ANKFN1: variants seen among roughly 807,000 people sequenced by gnomAD.
ANKFN1 encodes the protein ankyrin repeat and fibronectin type III domain containing 1, also known as ankyrin repeat and fibronectin type-III domain-containing protein 1.
In ANKFN1, 74 loss-of-function variants were observed where a neutral mutation model predicts 108.7. The observed-to-expected ratio is 0.68, with a 90% CI of 0.56 to 0.83. The LOEUF (loss-of-function observed/expected upper bound fraction) is 0.83, where lower values mean the gene tolerates loss of function less well. Ranked by LOEUF, ANKFN1 falls within the 40% of genes least tolerant of loss-of-function variation. The probability of loss-of-function intolerance (pLI) is 0.00; values close to 1 mark genes in which losing one functional copy is unlikely to be tolerated. For missense variants in ANKFN1, 1,505 were observed against 1,382.3 expected (o/e 1.09, Z -1.41); for synonymous variants, 547 against 516.2 (o/e 1.06, Z -0.81).
chr17:56,229,694 G>T (rs1268375913), intron 3 of ANKFN1, among the ~76,000 whole-genome samples: 2 of 148,026 alleles, frequency 1.4e-5, no homozygotes, highest in Non-Finnish European at 3.0e-5. Flanking sequence ...AAAAAGGGGG[G>T]TTGGGGGGTG....
At chr17:56,420,698 T>TC (rs2048376165) in intron 8 of ANKFN1, among the ~76,000 whole-genome samples, 2 of 150,532 alleles carry the variant, frequency 1.3e-5, no homozygotes, top group Non-Finnish European at 1.5e-5. Context: ...TTTTTTTTTT[T>TC]TTTTTATTGT....
intron 3 of ANKFN1, among the ~76,000 whole-genome samples, chr17:56,319,616 A>G (rs1211258566): frequency 2.0e-5 from 3 of 152,146 alleles, no homozygotes; most frequent in Admixed American, 2.0e-4. Flanking sequence ...CCTATTACAC[A>G]CTTTATTCAT....
Position 56,512,626 on chromosome 17 carries a change from T to C in ANKFN1, c.*1357T>C, listed in dbSNP as rs116179733. On this transcript the variant is annotated 3_prime_UTR_variant, in exon 21 of 21. Transcript: ENST00000682825. Reference sequence around the variant, plus strand: ...AGACCCATTCACTTCACTGACATTCTAAATGATCCTTTTCTGCTTCACAGG... The same window carrying C: ...AGACCCATTCACTTCACTGACATTCCAAATGATCCTTTTCTGCTTCACAGG... Among the ~76,000 whole-genome samples, 1,169 of 152,346 alleles carry C rather than the reference T, an allele frequency of 7.7e-3. 16 individuals carry two copies. Among genetic ancestry groups the C allele is most frequent in the African/African-American group, 0.027 (1,127 of 41,576 alleles).
intron 8 of ANKFN1, among the ~76,000 whole-genome samples, chr17:56,426,966 G>C (rs571317662): frequency 6.6e-6 from 1 of 152,288 alleles, no homozygotes; most frequent in South Asian, 2.1e-4. Flanking sequence ...AATTTTTCAG[G>C]ATCAGTAAGG....
chr17:56,298,240 A>T (rs540837975), intron 3 of ANKFN1, among the ~76,000 whole-genome samples: 13 of 152,340 alleles, frequency 8.5e-5, no homozygotes, highest in African/African-American at 2.6e-4. Context: ...GCACCAAAAG[A>T]TATAGTAGTT....
At chr17:56,259,946 A>T (rs149378804) in intron 3 of ANKFN1, among the ~76,000 whole-genome samples, 1,641 of 148,796 alleles carry the variant, frequency 0.011, 21 homozygotes, top group African/African-American at 0.039. Flanking sequence ...ACACACACAC[A>T]CTCTTTTCAA....
chr17:56,376,072 T>A (rs1567955151), intron 8 of ANKFN1, among the ~76,000 whole-genome samples: 1 of 152,186 alleles, frequency 6.6e-6, no homozygotes, highest in Non-Finnish European at 1.5e-5. Flanking sequence ...CCACACATAT[T>A]CCAAGGTTCC....
At chr17:56,323,131 T>C (rs2045416763) in intron 3 of ANKFN1, 1 of 152,034 alleles carries the variant, frequency 6.6e-6, no homozygotes, top group African/African-American at 2.4e-5. Flanking sequence ...GGGGGTGGAA[T>C]TGGGTGGAGG....
intron 4 of ANKFN1, among the ~76,000 whole-genome samples, chr17:56,347,347 G>A (rs2144651895): frequency 6.6e-6 from 1 of 152,012 alleles, no homozygotes; most frequent in Admixed American, 6.6e-5. Flanking sequence ...AAACAGAATA[G>A]GTACCTTTCA....
rs940061670 is a variant in ANKFN1 at position 56,317,853 on chromosome 17, A to G, written c.54-8368A>G. Among the ~76,000 whole-genome samples, 10 of 152,296 alleles carry G rather than the reference A, an allele frequency of 6.6e-5. No individual in the cohort carries two copies. In the East Asian group the frequency reaches 1.2e-3, roughly 18 times the overall value. On this transcript the variant is annotated intron_variant, in intron 3 of 20. Coordinates refer to ENST00000682825, the MANE Select transcript of ANKFN1 (RefSeq NM_001370326.1). ...GGTAATTCATTTCTCCAGCTTGGCA[A>G]TATCTCCTGATATGCCTAAATGGGT... is the stretch of plus-strand genomic sequence containing the variant.
chr17:56,369,357 T>C (rs1283729532), intron 6 of ANKFN1, among the ~76,000 whole-genome samples: 2 of 152,082 alleles, frequency 1.3e-5, no homozygotes, highest in Non-Finnish European at 2.9e-5. Context: ...GTGGAGGCTA[T>C]CAACAAAGAA....
intron 11 of ANKFN1, among the ~76,000 whole-genome samples, chr17:56,453,696 G>A (rs2049575599): frequency 6.6e-6 from 1 of 152,074 alleles, no homozygotes; most frequent in Non-Finnish European, 1.5e-5. Flanking sequence ...AGGGGGCTTG[G>A]GAACTAATTT....
intron 4 of ANKFN1, among the ~76,000 whole-genome samples, chr17:56,144,905 A>G (rs11871068): frequency 0.59 from 89,821 of 151,724 alleles, 27,141 homozygotes; most frequent in East Asian, 0.81. Flanking sequence ...AAAGCTCAGG[A>G]TTTTCTTTTT....
intron 1 of ANKFN1, among the ~76,000 whole-genome samples, chr17:56,159,033 C>CAAAAAAAAAAAAAAAAAAAAAAAA (rs57878541): frequency 2.8e-5 from 2 of 71,012 alleles, no homozygotes; most frequent in Non-Finnish European, 5.1e-5. Context: ...TGGTCTAGGC[C>CAAAAAAAAAAAAAAAAAAAAAAAA]AAAAAAAAAA....
chr17:56,449,393 C>G (rs1444835841), intron 11 of ANKFN1, among the ~76,000 whole-genome samples: 1 of 152,028 alleles, frequency 6.6e-6, no homozygotes, highest in African/African-American at 2.4e-5. Flanking sequence ...TTCCCTCTCC[C>G]TCTCTCCATA....
At chr17:56,211,167 A>C (rs1169302235) in intron 1 of ANKFN1, among the ~76,000 whole-genome samples, 1 of 152,160 alleles carries the variant, frequency 6.6e-6, no homozygotes, top group Non-Finnish European at 1.5e-5. Flanking sequence ...TTGATTATGA[A>C]GTCTTTGCCT....
intron 8 of ANKFN1, among the ~76,000 whole-genome samples, chr17:56,410,198 C>T (rs2048046513): frequency 6.6e-6 from 1 of 152,154 alleles, no homozygotes; most frequent in South Asian, 2.1e-4. Context: ...TGATTCTCCT[C>T]CCGAGTAACT....
chr17:56,377,644 A>G (rs550139761), intron 8 of ANKFN1, among the ~76,000 whole-genome samples: 1 of 152,332 alleles, frequency 6.6e-6, no homozygotes, highest in Non-Finnish European at 1.5e-5. Context: ...AGTTTGTACC[A>G]CATTTTCTCC....
rs562433601 is a variant in ANKFN1, at chr17:56,263,652, G to C, written c.53+35695G>C. ...GGGTCTGACTGGAGTCCTATTCAAAGCACTATTTGAATTCTTTTCATCAGC... is the reference window on the plus strand; with the variant it reads ...GGGTCTGACTGGAGTCCTATTCAAACCACTATTTGAATTCTTTTCATCAGC... On this transcript the variant is annotated intron_variant, in intron 3 of 20. Coordinates refer to ENST00000682825, the MANE Select transcript of ANKFN1 (RefSeq NM_001370326.1). Among the ~76,000 whole-genome samples the C allele has an allele frequency of 2.0e-5, 3 of 152,294 alleles. No individual in the cohort carries two copies. The East Asian group carries it at 5.8e-4, about 29-fold the overall frequency.
Sources: gnomAD v4.1 joint callset for allele counts (sites outside exome capture counted in the v4.1 genomes callset) on GRCh38, gnomAD v4.1.1 for gene constraint, MANE v1.5 for transcripts, NCBI Gene and HGNC (gene_info 2026-07-23, HGNC 2026-07-21) for gene names.